The following WDFY3 variants were observed in gnomAD, a reference collection of about 807,000 sequenced individuals.
WDFY3 encodes WD repeat and FYVE domain-containing protein 3.
A neutral mutation model predicts 409.6 loss-of-function variants in WDFY3; 66 were observed. The observed-to-expected ratio is 0.16, with a 90% CI of 0.13 to 0.20. The LOEUF is 0.20. Among genes scored for constraint, WDFY3 ranks in the 10% least tolerant of loss-of-function variants. WDFY3 has a pLI of 1.00. For synonymous variants in WDFY3, 1,521 were observed against 1,537.1 expected, an observed-to-expected ratio of 0.99 and a Z score of 0.25; for missense variants, 3,031 against 4,298.1, an observed-to-expected ratio of 0.71 and a Z score of 8.24.
At position 84,693,851 on chromosome 4, in the gene WDFY3, C is replaced by T. The variant is rs184263867; in HGVS notation, c.8902-819G>A. On this transcript the variant is annotated intron_variant, in intron 58 of 67. Transcript: ENST00000295888. Reference sequence around the variant, plus strand: ...TGGAGGTTGCAGTGAGCCGAGATTGCGCCACTGCACTCCAGCCTGGGGCAA... The same window carrying T: ...TGGAGGTTGCAGTGAGCCGAGATTGTGCCACTGCACTCCAGCCTGGGGCAA... Among the ~76,000 whole-genome samples the T allele has an allele frequency of 6.0e-3, 894 of 149,854 alleles. 9 individuals carry two copies. The highest frequency in any genetic ancestry group is 0.021 in the African/African-American group (833 of 40,608).
intron 3 of WDFY3, among the ~76,000 whole-genome samples, chr4:84,879,973 A>G (rs1013636261): frequency 1.3e-5 from 2 of 152,242 alleles, no homozygotes; most frequent in African/African-American, 4.8e-5. Flanking sequence ...AGACGTCTCT[A>G]CTACATCCTA....
intron 4 of WDFY3, among the ~76,000 whole-genome samples, chr4:84,852,662 C>T (rs1415023049): frequency 6.6e-6 from 1 of 152,122 alleles, no homozygotes; most frequent in Non-Finnish European, 1.5e-5. Context: ...TCAATACTTC[C>T]TCAACACATT....
chr4:84,926,089 C>T (rs1408859163), intron 2 of WDFY3, among the ~76,000 whole-genome samples: 3 of 146,856 alleles, frequency 2.0e-5, no homozygotes, highest in Non-Finnish European at 4.5e-5. Context: ...TGTCGGCTCA[C>T]TACAACCTCT....
chr4:84,675,711 G>A (rs565565453), intron 67 of WDFY3, among the ~76,000 whole-genome samples: 2 of 152,226 alleles, frequency 1.3e-5, no homozygotes, highest in South Asian at 4.2e-4. Context: ...AGAATAATAT[G>A]CTTTCTATGA....
At position 84,733,581 on chromosome 4, in the gene WDFY3, G is replaced by A; in HGVS notation, c.7022C>T (p.Thr2341Ile). ...ERQQNALKYVTEEWCQIECEL... is the reference protein window; with the variant it reads ...ERQQNALKYVIEEWCQIECEL... The stretch of plus-strand genomic sequence containing the variant: ...GCACTCGATCTGACACCACTCTTCT[G>A]TCACGTACTTCAGGGCATTCTGCTG... The change falls in exon 44 of 68, where the codon ACA (threonine) becomes ATA (isoleucine). Residue 2341 changes from threonine to isoleucine, a missense_variant. By Grantham distance (89) the Thr-to-Ile change is moderately conservative. This residue lies in a region of WDFY3 where 98 missense variants were observed against 194.9 expected (regional missense o/e 0.50). Coordinates refer to ENST00000295888, the MANE Select transcript of WDFY3 (RefSeq NM_014991.6). The A allele has an allele frequency of 6.2e-7, 1 of 1,613,750 alleles. No individual in the cohort carries two copies. Among genetic ancestry groups the A allele is most frequent in the Non-Finnish European group, 8.5e-7 (1 of 1,179,892 alleles).
intron 6 of WDFY3, among the ~76,000 whole-genome samples, chr4:84,840,609 G>T (rs1255304425): frequency 6.6e-6 from 1 of 151,898 alleles, no homozygotes; most frequent in South Asian, 2.1e-4. Context: ...TAGAGACAGG[G>T]TCTCACTCTG....
chr4:84,734,300 A>G (rs114465191), intron 43 of WDFY3, among the ~76,000 whole-genome samples: 22 of 152,340 alleles, frequency 1.4e-4, no homozygotes, highest in Non-Finnish European at 3.1e-4. Flanking sequence ...CCAATGATTC[A>G]TGGAATATAA....
At chr4:84,694,906 TAA>T (rs1398901331) in intron 58 of WDFY3, among the ~76,000 whole-genome samples, 1 of 152,126 alleles carries the variant, frequency 6.6e-6, no homozygotes, top group African/African-American at 2.4e-5. Context: ...TATAAAGATA[TAA>T]AGAGATGAGC....
At position 84,798,920 on chromosome 4, in the gene WDFY3, A is replaced by G. The variant is rs527595258; in HGVS notation, c.2823-812T>C. Among the ~76,000 whole-genome samples the G allele has an allele frequency of 2.0e-5, 3 of 152,292 alleles. No individual in the cohort carries two copies. In the East Asian group the frequency reaches 5.8e-4, roughly 29 times the overall value. On this transcript the variant is annotated intron_variant, in intron 17 of 67. Transcript: ENST00000295888. Reference sequence around the variant, plus strand: ...TAGTTGAAAACACAAAACAGCTAGCATTCAGTACCATACATGAGATGATTT... The same window carrying G: ...TAGTTGAAAACACAAAACAGCTAGCGTTCAGTACCATACATGAGATGATTT...
rs1314695576 is a variant in WDFY3 at position 84,841,176 on chromosome 4, T to C, written c.392A>G (p.Asn131Ser). The change falls in exon 6 of 68, where the codon AAT (asparagine) becomes AGT (serine). Residue 131 changes from asparagine (N) to serine (S), a missense_variant. By Grantham distance (46) the Asn-to-Ser change is conservative. This residue lies in a region of WDFY3 where 1,322 missense variants were observed against 1,697.9 expected (regional missense o/e 0.78). Transcript: ENST00000295888. ...SRGWMLLTTINLLASSGQKTV... is the reference protein window; with the variant it reads ...SRGWMLLTTISLLASSGQKTV... The stretch of plus-strand genomic sequence containing the variant: ...TACCTGACCAGAGGAAGCTAACAAA[T>C]TAATTGTCGTTAGAAGCATCCAGCC... 3 of 1,610,456 alleles carry C rather than the reference T, an allele frequency of 1.9e-6. No individual in the cohort carries two copies. Among genetic ancestry groups the C allele is most frequent in the Admixed American group, 3.4e-5 (2 of 58,932 alleles).
chr4:84,852,048 T>G (rs1759098047), intron 4 of WDFY3, among the ~76,000 whole-genome samples: 1 of 152,182 alleles, frequency 6.6e-6, no homozygotes, highest in Non-Finnish European at 1.5e-5. Flanking sequence ...TCAAGAACTT[T>G]TACCTTTTCA....
rs1731233051 is a variant in WDFY3 at position 84,702,657 on chromosome 4, A to G, written c.8443-151T>C. 7 of 614,572 alleles carry G rather than the reference A, an allele frequency of 1.1e-5. No homozygotes were observed. The East Asian group carries it at 2.2e-4, about 19-fold the overall frequency. The allele number at this position is 614,572 out of a possible 1,614,324, so 38.1% of individuals were successfully genotyped here. On this transcript the variant is annotated intron_variant, in intron 55 of 67. Transcript: ENST00000295888. ...AAATACGCACAAATTTTTAATAAAC[A>G]TAAAACATCTAATTCTCTTTGGGGT...
At chr4:84,726,734 A>G (rs1735719648) in intron 45 of WDFY3, 127 bp downstream of exon 45, 1 of 773,178 alleles carries the variant, frequency 1.3e-6, no homozygotes, top group Non-Finnish European at 2.0e-6. Flanking sequence ...AGGAACTTAT[A>G]GGAAGAACAA....
intron 43 of WDFY3, among the ~76,000 whole-genome samples, 160 bp from the exon 44 acceptor site, chr4:84,733,769 G>T (rs1169083104): frequency 6.6e-6 from 1 of 152,198 alleles, no homozygotes; most frequent in Non-Finnish European, 1.5e-5. Flanking sequence ...TATGGTTAAA[G>T]TAAGAGGTTT....
chr4:84,918,532 C>CA (rs1483655004), intron 2 of WDFY3, among the ~76,000 whole-genome samples: 3 of 151,664 alleles, frequency 2.0e-5, no homozygotes, highest in East Asian at 3.9e-4. Flanking sequence ...AAAGATAAAC[C>CA]AAAAAACAAT....
At chr4:84,687,161 T>G (rs1465415196) in intron 62 of WDFY3, among the ~76,000 whole-genome samples, 1 of 152,236 alleles carries the variant, frequency 6.6e-6, no homozygotes, top group Non-Finnish European at 1.5e-5. Context: ...TTCTTTTTTT[T>G]GAGACTGAGT....
chr4:84,880,680 T>C (rs1434560688), intron 3 of WDFY3, among the ~76,000 whole-genome samples: 16 of 16,064 alleles, frequency 1.0e-3, no homozygotes, highest in East Asian at 1.9e-3. Context: ...CATACATATA[T>C]ATATATATAT....
chr4:84,773,875 C>G (rs1421202345), intron 29 of WDFY3, among the ~76,000 whole-genome samples: 2 of 152,068 alleles, frequency 1.3e-5, no homozygotes, highest in African/African-American at 2.4e-5. Context: ...TGCCCACCAC[C>G]ATGCCTGGCT....
intron 7 of WDFY3, among the ~76,000 whole-genome samples, chr4:84,833,688 A>AAAGAAAAGAGAAGAG (rs754643352): frequency 0.012 from 1,767 of 149,474 alleles, 38 homozygotes; most frequent in African/African-American, 0.038. Context: ...AAAGAAAAGA[A>AAAGAAAAGAGAAGAG]AAGAGAAGAG....
Sources: gnomAD v4.1 joint callset for allele counts (sites outside exome capture counted in the v4.1 genomes callset) on GRCh38, gnomAD v4.1.1 for gene constraint, gnomAD v4.1.1 regional missense constraint, MANE v1.5 for transcripts, NCBI Gene and HGNC (gene_info 2026-07-23, HGNC 2026-07-21) for gene names.